The following SZT2 variants were observed in gnomAD, a reference collection of about 807,000 sequenced individuals.
SZT2 encodes KICSTOR complex protein SZT2.
In SZT2, 216 loss-of-function variants were observed where a neutral mutation model predicts 404.2. That is an observed-to-expected ratio of 0.53 (90% CI 0.48 to 0.60). The LOEUF is 0.60. Among genes scored for constraint, SZT2 ranks in the 20% least tolerant of loss-of-function variants. The probability of loss-of-function intolerance (pLI) is 0.00; values close to 1 mark genes in which losing one functional copy is unlikely to be tolerated. For synonymous variants in SZT2, 1,693 were observed against 1,749.9 expected, an observed-to-expected ratio of 0.97 and a Z score of 0.81; for missense variants, 3,857 against 4,459.2, an observed-to-expected ratio of 0.86 and a Z score of 3.85.
chr1:43,445,473 GAAAGCC>G, intron 62 of SZT2: 1 of 257,864 alleles, frequency 3.9e-6, no homozygotes. Context: ...GTAGGCCTCT[GAAAGCC>G]TGGAACTGCC....
rs769878998 is a variant in SZT2, at chr1:43,420,873, G to A, written c.1386G>A (p.Thr462=). The A allele has an allele frequency of 3.1e-6, 5 of 1,598,338 alleles. No homozygotes were observed. Among genetic ancestry groups the A allele is most frequent in the African/African-American group, 1.3e-5 (1 of 74,916 alleles). The change falls in exon 10 of 72, where the codon ACG becomes ACA. Residue 462 remains threonine (T), a synonymous_variant. Coordinates refer to ENST00000634258, the MANE Select transcript of SZT2 (RefSeq NM_001365999.1). The surrounding 1 kb of genome is among the most constrained non-coding windows in gnomAD (Gnocchi z 5.1). The part of the protein sequence containing the change: ...EGPRVTRVEV[T]MEGGYDILHD... ...CTCGAGTAACACGGGTGGAAGTGAC[G>A]ATGGAAGGCGGCTACGACATTTTGC...
rs372395617 is a variant in SZT2, at chr1:43,443,458, C to T, written c.8606C>T (p.Ser2869Phe). Residue 2869 changes from serine to phenylalanine, a missense_variant, in exon 61 of 72, where the codon TCT (serine) becomes TTT (phenylalanine). By Grantham distance (155) the Ser-to-Phe change is radical. Transcript: ENST00000634258. ...AAWLHGPPET[S>F]GPPDGQRRHR... ...TGGCTGCATGGGCCCCCAGAGACCT[C>T]TGGACCCCCTGACGGGCAGGTAAGG... 23 of 1,614,084 alleles carry T rather than the reference C, an allele frequency of 1.4e-5. No homozygotes were observed. Among genetic ancestry groups the T allele is most frequent in the Non-Finnish European group, 1.9e-5 (23 of 1,180,030 alleles).
chr1:43,430,460 A>T lies in SZT2; in HGVS notation c.4481-36A>T, dbSNP rs773762703. On this transcript the variant is annotated intron_variant, in intron 31 of 71. Coordinates refer to ENST00000634258, the MANE Select transcript of SZT2 (RefSeq NM_001365999.1). ...GCCGAGATTCAAGGGTTCCACTGCCAGCCTCTCTCATTGACCATGTGACAT... is the reference window on the plus strand; with the variant it reads ...GCCGAGATTCAAGGGTTCCACTGCCTGCCTCTCTCATTGACCATGTGACAT... 1.9e-6 allele frequency: 3 copies of T among 1,607,148 alleles called. No individual in the cohort carries two copies. In the East Asian group the frequency reaches 6.7e-5, roughly 36 times the overall value.
chr1:43,425,170 A>T lies in SZT2; in HGVS notation c.2608A>T (p.Ile870Phe), dbSNP rs753155710. 6.2e-7 allele frequency: 1 copy of T among 1,614,144 alleles called. No individual in the cohort carries two copies. Among genetic ancestry groups the T allele is most frequent in the Admixed American group, 1.7e-5 (1 of 60,022 alleles). The change falls in exon 18 of 72, where the codon ATC becomes TTC. Residue 870 changes from isoleucine to phenylalanine, a missense_variant. Ile to Phe is a conservative substitution (Grantham distance 21). Transcript: ENST00000634258. This position sits in a 1 kb window ranked among gnomAD's most constrained non-coding sequence, Gnocchi z 4.3. ...EEKHTCVVQYILFPPHSTSTK... is the reference protein window; with the variant it reads ...EEKHTCVVQYFLFPPHSTSTK... ...GAAGCACACCTGTGTTGTCCAGTAC[A>T]TCCTCTTCCCCCCACACTCTACCTC...
At chr1:43,396,522 AAC>A (rs1214382208) in intron 1 of SZT2, among the ~76,000 whole-genome samples, 3 of 152,242 alleles carry the variant, frequency 2.0e-5, no homozygotes, top group Admixed American at 6.5e-5. Context: ...AAAACAAAGA[AAC>A]AACACTGAAG....
rs562618137 is a variant in SZT2 at position 43,392,008 on chromosome 1, C to T, written c.27+2013C>T. On this transcript the variant is annotated intron_variant, in intron 1 of 71. Coordinates refer to ENST00000634258, the MANE Select transcript of SZT2 (RefSeq NM_001365999.1). ...CTGAGGCAGGAGAATGGCGTGAACC[C>T]GGGAGGCGGAGCTTGCAGTGAGCTG... Among the ~76,000 whole-genome samples the T allele has an allele frequency of 2.7e-4, 10 of 36,564 alleles. 2 individuals are homozygous for T. The East Asian group carries it at 2.9e-3, about 10-fold the overall frequency. 24.0% of individuals were successfully genotyped at this position (36,564 alleles called of 152,430 possible).
chr1:43,397,616 C>T (rs1483429490), intron 1 of SZT2, among the ~76,000 whole-genome samples: 1 of 151,590 alleles, frequency 6.6e-6, no homozygotes, highest in East Asian at 2.0e-4. Context: ...CAGCCTCCAC[C>T]TCCTGGGTTC....
rs908962838 is a variant in SZT2 at position 43,441,063 on chromosome 1, C to G, written c.7345-151C>G. 6.4e-6 allele frequency: 6 copies of G among 943,578 alleles called. No individual in the cohort carries two copies. In the Admixed American group the frequency reaches 1.5e-4, roughly 23 times the overall value. The allele number at this position is 943,578 out of a possible 1,614,324, so 58.5% of individuals were successfully genotyped here. On this transcript the variant is annotated intron_variant, in intron 52 of 71. Coordinates refer to ENST00000634258, the MANE Select transcript of SZT2 (RefSeq NM_001365999.1). The surrounding 1 kb of genome is among the most constrained non-coding windows in gnomAD (Gnocchi z 4.8). ...GGTGAGGCTCAGGAAAGTTAGGTAA[C>G]CTGCCCAAGGCTCCTTAGCCAGCCC... is the stretch of plus-strand genomic sequence containing the variant.
chr1:43,414,047 T>C (rs1651405718), intron 4 of SZT2, among the ~76,000 whole-genome samples: 1 of 152,040 alleles, frequency 6.6e-6, no homozygotes, highest in Admixed American at 6.6e-5. Context: ...TTTGGGAGGC[T>C]GAGGTGGGTG....
At position 43,424,322 on chromosome 1, in the gene SZT2, G is replaced by A. The variant is rs747567790; in HGVS notation, c.2361G>A (p.Ala787=). ...VSGRSASSSL[A]SLSRYLYHQR... is the part of the protein sequence containing the mutation. ...GCCGCTCAGCCTCTTCTAGCCTGGC[G>A]TCACTGTCCCGCTACCTCTACCATC... Residue 787 remains alanine, a synonymous_variant, in exon 16 of 72, where the codon GCG becomes GCA. Coordinates refer to ENST00000634258, the MANE Select transcript of SZT2 (RefSeq NM_001365999.1). This position sits in a 1 kb window ranked among gnomAD's most constrained non-coding sequence, Gnocchi z 4.1. 21 of 1,598,074 alleles carry A rather than the reference G, an allele frequency of 1.3e-5. No homozygotes were observed. In the South Asian group the frequency reaches 1.6e-4, roughly 13 times the overall value.
intron 4 of SZT2, among the ~76,000 whole-genome samples, chr1:43,407,689 A>G (rs1420644229): frequency 6.6e-6 from 1 of 152,134 alleles, no homozygotes; most frequent in Non-Finnish European, 1.5e-5. Context: ...TCACATATAT[A>G]ATACATGTCC....
rs1251619021 is a variant in SZT2 at position 43,419,922 on chromosome 1, A to G, written c.1068A>G (p.Ala356=). Residue 356 remains alanine (A), a synonymous_variant, in exon 8 of 72, where the codon GCA becomes GCG. Transcript: ENST00000634258. ...LLYSFLRSGE[A]LNPEYYCGSQ... ...ATTCCTTCCTGCGCAGTGGGGAAGC[A>G]CTGAACCCTGAATATTACTGCGGTG... 2 of 1,598,210 alleles carry G rather than the reference A, an allele frequency of 1.3e-6. No individual in the cohort carries two copies. The highest frequency in any genetic ancestry group is 1.7e-6 in the Non-Finnish European group (2 of 1,179,696).
intron 7 of SZT2, among the ~76,000 whole-genome samples, chr1:43,416,885 A>C (rs2153931665): frequency 6.6e-6 from 1 of 152,336 alleles, no homozygotes; most frequent in East Asian, 1.9e-4. Flanking sequence ...GAAATCTGAC[A>C]GTCATTTCCA....
intron 70 of SZT2, chr1:43,449,581 G>A (rs1348900712): frequency 1.2e-5 from 2 of 169,914 alleles, no homozygotes; most frequent in Admixed American, 1.1e-4. Context: ...TGAGTCTGGG[G>A]TCCATAGGCC....
In SZT2 at chr1:43,425,344, T is replaced by A. The variant is rs1653012943; in HGVS notation, c.2646-130T>A. On this transcript the variant is annotated intron_variant, in intron 18 of 71. Transcript: ENST00000634258. This position sits in a 1 kb window ranked among gnomAD's most constrained non-coding sequence, Gnocchi z 4.3. Reference sequence around the variant, plus strand: ...GGGGGTGCGGTGTTTAGATGCTTCATCAGGCAGACGCTGGTCTGGGAAGGC... The same window carrying A: ...GGGGGTGCGGTGTTTAGATGCTTCAACAGGCAGACGCTGGTCTGGGAAGGC... 1 of 1,508,584 alleles carries A rather than the reference T, an allele frequency of 6.6e-7. No homozygotes were observed. The highest frequency in any genetic ancestry group is 1.8e-5 in the Admixed American group (1 of 56,530). 93.4% of individuals were successfully genotyped at this position (1,508,584 alleles called of 1,614,324 possible).
Position 43,435,279 on chromosome 1 carries a change from G to T in SZT2, c.5984G>T (p.Arg1995Leu). 1.2e-6 allele frequency: 2 copies of T among 1,614,226 alleles called. No homozygotes were observed. Among genetic ancestry groups the T allele is most frequent in the South Asian group, 1.1e-5 (1 of 91,082 alleles). The change falls in exon 42 of 72, where the codon CGC becomes CTC. Residue 1995 changes from arginine to leucine, a missense_variant. By Grantham distance (102) the Arg-to-Leu change is moderately radical. Transcript: ENST00000634258. ...LVAESEEDLWRSETPFHSRQR... is the reference protein window; with the variant it reads ...LVAESEEDLWLSETPFHSRQR... ...GCCGAGAGTGAAGAAGATCTGTGGCGCAGTGAGACTCCCTTCCACTCCCGT... is the reference window on the plus strand; with the variant it reads ...GCCGAGAGTGAAGAAGATCTGTGGCTCAGTGAGACTCCCTTCCACTCCCGT...
At position 43,426,614 on chromosome 1, in the gene SZT2, C is replaced by CT. The variant is rs1653177552; in HGVS notation, c.3214+79dup. 2 of 1,513,910 alleles carry CT rather than the reference C, an allele frequency of 1.3e-6. No homozygotes were observed. Among genetic ancestry groups the CT allele is most frequent in the African/African-American group, 1.4e-5 (1 of 72,482 alleles). 93.8% of individuals were successfully genotyped at this position (1,513,910 alleles called of 1,614,324 possible). ...CCCACCCTCACAGGGTGATTTCTGTCTTTGAGTTTTGGCTTTCCCCTTCCT... is the reference window on the plus strand; with the variant it reads ...CCCACCCTCACAGGGTGATTTCTGTCTTTTGAGTTTTGGCTTTCCCCTTCCT... On this transcript the variant is annotated intron_variant, in intron 22 of 71. Transcript: ENST00000634258. This position sits in a 1 kb window ranked among gnomAD's most constrained non-coding sequence, Gnocchi z 4.9.
At chr1:43,406,549 A>T (rs1044421854) in intron 4 of SZT2, 3 of 153,792 alleles carry the variant, frequency 2.0e-5, no homozygotes, top group African/African-American at 7.2e-5. Flanking sequence ...AGGGAACTAC[A>T]TATTATTCAG....
rs559995199 is a variant in SZT2 at position 43,438,642 on chromosome 1, T to C, written c.6509-57T>C. The C allele has an allele frequency of 3.0e-5, 46 of 1,521,096 alleles. No homozygotes were observed. The African/African-American group carries it at 4.8e-4, about 16-fold the overall frequency. The allele number at this position is 1,521,096 out of a possible 1,614,324, so 94.2% of individuals were successfully genotyped here. ...TGAGTTTGGCATGATAGGGCTGCTA[T>C]GGAGGTAGCTGGATCCTCTACCAGT... On this transcript the variant is annotated intron_variant, in intron 46 of 71. Transcript: ENST00000634258.
Sources: gnomAD v4.1 joint callset for allele counts (sites outside exome capture counted in the v4.1 genomes callset) on GRCh38, gnomAD v4.1.1 for gene constraint, Gnocchi (gnomAD v3.1) non-coding constraint, MANE v1.5 for transcripts, NCBI Gene and HGNC (gene_info 2026-07-23, HGNC 2026-07-21) for gene names.